GALM: variants seen among roughly 807,000 people sequenced by gnomAD.
GALM encodes aldose 1-epimerase.
In GALM, 43 loss-of-function variants were observed where a neutral mutation model predicts 37.4. The ratio of observed to expected loss-of-function variants is 1.15; its 90% confidence interval spans 0.90 to 1.48. The LOEUF is 1.48. Ranked by LOEUF, GALM falls within the 40% of genes most tolerant of loss-of-function variation. The probability of loss-of-function intolerance (pLI) is 0.00; values close to 1 mark genes in which losing one functional copy is unlikely to be tolerated. For synonymous variants in GALM, 199 were observed against 170.6 expected (o/e 1.17, Z -1.30); for missense variants, 456 against 419.1 (o/e 1.09, Z -0.77).
chr2:38,681,149 GC>G, intron 2 of GALM, 130 bp from the exon 3 acceptor site: 1 of 777,452 alleles, frequency 1.3e-6, no homozygotes. Context: ...AAAAATCCAG[GC>G]TATCATTAAA....
At chr2:38,726,676 G>A (rs146952763) in intron 4 of GALM, among the ~76,000 whole-genome samples, 61 of 150,294 alleles carry the variant, frequency 4.1e-4, no homozygotes, top group African/African-American at 8.8e-4. Flanking sequence ...TTGGGAGGCC[G>A]AGATGGGCAG....
In GALM at chr2:38,733,503, G is replaced by A. The variant is rs1033087597; in HGVS notation, c.967G>A (p.Val323Met). The A allele has an allele frequency of 6.2e-6, 10 of 1,613,868 alleles. No individual in the cohort carries two copies. In the African/African-American group the frequency reaches 9.3e-5, roughly 15 times the overall value. The change falls in exon 7 of 7, where the codon GTG (valine) becomes ATG (methionine). Residue 323 changes from valine (V) to methionine (M), a missense_variant. Val to Met is a conservative substitution (Grantham distance 21, BLOSUM62 1). Transcript: ENST00000272252. ...CCCTTCACAGCCCCGCTTCCCTCCT[G>A]TGCTGCTGAGGCCTGGTGAGGAGTA... ...DAVNQPRFPP[V>M]LLRPGEEYDH... is the part of the protein sequence containing the mutation.
At chr2:38,698,356 C>T (rs1172162364) in intron 4 of GALM, 1 of 1,302,906 alleles carries the variant, frequency 7.7e-7, no homozygotes, top group Non-Finnish European at 1.0e-6. Context: ...TCTTTCCTGT[C>T]CCATGGCAGG....
intron 1 of GALM, chr2:38,669,264 T>A (rs1665027439): frequency 6.6e-6 from 1 of 152,238 alleles, no homozygotes; most frequent in Non-Finnish European, 1.5e-5. Context: ...ACCAGTTATG[T>A]TATCTATAGA....
At chr2:38,673,326 C>T (rs993901531) in intron 1 of GALM, among the ~76,000 whole-genome samples, 16 of 152,114 alleles carry the variant, frequency 1.1e-4, no homozygotes, top group African/African-American at 3.9e-4. Context: ...ATTCAGAGGA[C>T]ATCTAAGTGA....
chr2:38,681,731 C>T (rs745440322), intron 3 of GALM, among the ~76,000 whole-genome samples: 7 of 152,252 alleles, frequency 4.6e-5, no homozygotes, highest in African/African-American at 7.2e-5. Context: ...AAGTAACTAG[C>T]TGTTTCAAGA....
intron 2 of GALM, among the ~76,000 whole-genome samples, chr2:38,677,543 C>T (rs1453379512): frequency 6.6e-6 from 1 of 152,174 alleles, no homozygotes; most frequent in Admixed American, 6.5e-5. Context: ...CAAACCCCAA[C>T]CAGAGAAAGT....
intron 2 of GALM, among the ~76,000 whole-genome samples, 166 bp from the exon 3 acceptor site, chr2:38,681,114 A>T (rs1337572813): frequency 6.7e-6 from 1 of 149,792 alleles, no homozygotes; most frequent in Admixed American, 6.6e-5. Flanking sequence ...TGGACAACAT[A>T]GTGAGACCCT....
At chr2:38,730,414 G>A (rs888157051) in intron 5 of GALM, among the ~76,000 whole-genome samples, 1 of 152,068 alleles carries the variant, frequency 6.6e-6, no homozygotes, top group East Asian at 1.9e-4. Flanking sequence ...TAACAGGCAC[G>A]TGCCACTATG....
chr2:38,691,882 G>A (rs1345960951), intron 4 of GALM, among the ~76,000 whole-genome samples: 1 of 151,874 alleles, frequency 6.6e-6, no homozygotes, highest in African/African-American at 2.4e-5. Flanking sequence ...AAATAATATG[G>A]TACCACTTGG....
intron 3 of GALM, among the ~76,000 whole-genome samples, chr2:38,687,061 C>G (rs1665556146): frequency 6.6e-6 from 1 of 152,176 alleles, no homozygotes; most frequent in African/African-American, 2.4e-5. Context: ...CTCGACTGAC[C>G]CAAAGCCCTC....
At position 38,694,299 on chromosome 2, in the gene GALM, A is replaced by G. The variant is rs538921938; in HGVS notation, c.634+4405A>G. Among the ~76,000 whole-genome samples the G allele has an allele frequency of 5.9e-5, 9 of 152,348 alleles. No homozygotes were observed. The South Asian group carries it at 1.2e-3, about 21-fold the overall frequency. ...AATACCCAAGTGCAACATATAGTCA[A>G]TAAATGAGAAGTAAGCCAAAACAAA... On this transcript the variant is annotated intron_variant, in intron 4 of 6. Transcript: ENST00000272252.
chr2:38,691,114 A>G (rs907932084), intron 4 of GALM, among the ~76,000 whole-genome samples: 1 of 152,238 alleles, frequency 6.6e-6, no homozygotes. Context: ...AACTGCAAGG[A>G]AAAAATAGTG....
intron 2 of GALM, among the ~76,000 whole-genome samples, chr2:38,681,002 G>A (rs1383978179): frequency 3.9e-5 from 6 of 152,024 alleles, no homozygotes; most frequent in African/African-American, 7.2e-5. Flanking sequence ...CAGGTACAGT[G>A]GCTCATGCCT....
intron 1 of GALM, among the ~76,000 whole-genome samples, chr2:38,674,119 T>A (rs1007633730): frequency 6.6e-6 from 1 of 152,108 alleles, no homozygotes; most frequent in East Asian, 1.9e-4. Context: ...AGTCCTTGTT[T>A]AGGTTGCTAG....
intron 5 of GALM, among the ~76,000 whole-genome samples, chr2:38,730,917 T>C (rs1273853250): frequency 2.5e-5 from 3 of 120,188 alleles, no homozygotes; most frequent in East Asian, 2.4e-4. Flanking sequence ...CAAAACTCCA[T>C]CTCAAAAAAA....
At chr2:38,722,758 T>C (rs945284119) in intron 4 of GALM, among the ~76,000 whole-genome samples, 1 of 152,228 alleles carries the variant, frequency 6.6e-6, no homozygotes, top group Non-Finnish European at 1.5e-5. Flanking sequence ...AAAAACTGCA[T>C]GTTCATTTTC....
rs1666080112 is a variant in GALM at position 38,708,218 on chromosome 2, T to A, written c.634+18324T>A. Among the ~76,000 whole-genome samples the A allele has an allele frequency of 2.0e-5, 3 of 151,916 alleles. No individual in the cohort carries two copies. In the South Asian group the frequency reaches 6.2e-4, roughly 31 times the overall value. ...GGGAGACCGAGGCAAGAGTATCTCT[T>A]GAGCCCAGAGAGCTAGGGGCTACAG... On this transcript the variant is annotated intron_variant, in intron 4 of 6. Transcript: ENST00000272252.
At chr2:38,680,923 G>C (rs1034414225) in intron 2 of GALM, among the ~76,000 whole-genome samples, 12 of 152,104 alleles carry the variant, frequency 7.9e-5, no homozygotes, top group Admixed American at 3.9e-4. Context: ...ATCACTTGAG[G>C]TCAGGAGTTC....
Sources: allele counts gnomAD v4.1 joint callset (sites outside exome capture counted in the v4.1 genomes callset), GRCh38; gene constraint gnomAD v4.1.1; transcripts MANE v1.5; gene names NCBI Gene and HGNC (gene_info 2026-07-23, HGNC 2026-07-21).